Variants in OTOA observed in about 807,000 individuals in gnomAD.
OTOA encodes the protein cancer/testis antigen 108.
Under a neutral mutation model 110.8 loss-of-function variants are expected in OTOA, and 70 were observed. That is an observed-to-expected ratio of 0.63 (90% CI 0.52 to 0.77). The LOEUF (loss-of-function observed/expected upper bound fraction) is 0.77. OTOA is among the 30% of genes least tolerant of loss of function. The probability of loss-of-function intolerance (pLI) is 0.00; values close to 1 mark genes in which losing one functional copy is unlikely to be tolerated. For synonymous variants in OTOA, 373 were observed against 431.5 expected, an observed-to-expected ratio of 0.86 and a Z score of 1.68; for missense variants, 917 against 1,075.8, an observed-to-expected ratio of 0.85 and a Z score of 2.06.
chr16:21,752,952 A>ATGCAG lies in OTOA; in HGVS notation c.3056-74_3056-70dup, dbSNP rs1440136756. The ATGCAG allele has an allele frequency of 3.3e-6, 4 of 1,214,654 alleles. No individual in the cohort carries two copies. The African/African-American group carries it at 6.4e-5, about 19-fold the overall frequency. 75.2% of individuals were successfully genotyped at this position (1,214,654 alleles called of 1,614,324 possible). On this transcript the variant is annotated intron_variant, in intron 26 of 28. Coordinates refer to ENST00000646100, the MANE Select transcript of OTOA (RefSeq NM_144672.4). ...CCTAGAACACTCAGATCTGAACATTATGCAGCACCATTAATAAAACAAGCG... is the reference window on the plus strand; with the variant it reads ...CCTAGAACACTCAGATCTGAACATTATGCAGTGCAGCACCATTAATAAAACAAGCG...
intron 9 of OTOA, among the ~76,000 whole-genome samples, chr16:21,693,428 C>T (rs1435501098): frequency 1.3e-5 from 2 of 152,036 alleles, no homozygotes; most frequent in East Asian, 3.8e-4. Context: ...GTATCAATAG[C>T]TGAAGATAGA....
chr16:21,719,246 C>T, intron 16 of OTOA, 55 bp downstream of exon 16: 2 of 1,602,990 alleles, frequency 1.2e-6, no homozygotes, highest in East Asian at 2.2e-5. Flanking sequence ...AGCCTTCTGC[C>T]AGAGCAGCCT....
chr16:21,713,231 A>T (rs1898414191), intron 13 of OTOA, among the ~76,000 whole-genome samples: 1 of 152,002 alleles, frequency 6.6e-6, no homozygotes, highest in South Asian at 2.1e-4. Flanking sequence ...TCCCAAAGAG[A>T]AGGAGTAGGG....
intron 1 of OTOA, among the ~76,000 whole-genome samples, chr16:21,669,923 C>T (rs982021610): frequency 6.6e-6 from 1 of 151,840 alleles, no homozygotes; most frequent in African/African-American, 2.4e-5. Context: ...CTTAGGAGTT[C>T]GAGACCAGCC....
intron 11 of OTOA, among the ~76,000 whole-genome samples, chr16:21,702,124 A>AT (rs1361897315): frequency 6.6e-6 from 1 of 151,292 alleles, no homozygotes; most frequent in African/African-American, 2.4e-5. Flanking sequence ...TAATTTTTGT[A>AT]TTTTTAGTGG....
chr16:21,726,360 G>A (rs1329596354), intron 18 of OTOA, among the ~76,000 whole-genome samples, 163 bp from the exon 19 acceptor site: 1 of 152,168 alleles, frequency 6.6e-6, no homozygotes, highest in African/African-American at 2.4e-5. Flanking sequence ...AGCATGATGG[G>A]TGGGAAGCTT....
chr16:21,735,693 T>G (rs418139), intron 21 of OTOA, among the ~76,000 whole-genome samples: 21 of 152,246 alleles, frequency 1.4e-4, no homozygotes, highest in Middle Eastern at 3.4e-3. Context: ...TCCTGGGCTC[T>G]GGTGATCCTT....
chr16:21,714,336 T>C (rs2020970), intron 13 of OTOA, among the ~76,000 whole-genome samples: 5,237 of 55,780 alleles, frequency 0.094, 124 homozygotes, highest in African/African-American at 0.13. Context: ...TTCCTTCCTT[T>C]CTTTCTTTCT....
chr16:21,726,537 C>A lies in OTOA; in HGVS notation c.1895C>A (p.Ala632Asp). 6.2e-7 allele frequency: 1 copy of A among 1,613,902 alleles called. No homozygotes were observed. The highest frequency in any genetic ancestry group is 2.2e-5 in the East Asian group (1 of 44,886). Residue 632 changes from alanine to aspartate, a missense_variant, in exon 19 of 29, where the codon GCT (alanine) becomes GAT (aspartate). Physicochemically the swap from Ala to Asp is moderately radical, Grantham distance 126. Coordinates refer to ENST00000646100, the MANE Select transcript of OTOA (RefSeq NM_144672.4). ...TCTCTCTCCAGGGCCCGCTACCTGG[C>A]TTCTGTCCCAGCCTCCCAGTGTGTG... ...LLAALPARYL[A>D]SVPASQCVPF...
At chr16:21,683,086 T>A (rs1966925822) in intron 6 of OTOA, among the ~76,000 whole-genome samples, 2 of 152,224 alleles carry the variant, frequency 1.3e-5, no homozygotes, top group African/African-American at 4.8e-5. Context: ...TAATATCTAC[T>A]GAGTTAACAT....
chr16:21,684,367 T>C (rs980241309), intron 6 of OTOA: 2 of 1,410,460 alleles, frequency 1.4e-6, no homozygotes, highest in African/African-American at 1.4e-5. Context: ...GGAAATCTCT[T>C]TCAGGAGAGG....
intron 14 of OTOA, among the ~76,000 whole-genome samples, chr16:21,715,946 A>G (rs1275732803): frequency 6.6e-6 from 1 of 152,028 alleles, no homozygotes; most frequent in Non-Finnish European, 1.5e-5. Context: ...GTCTTGCTCT[A>G]TTACCCCAGC....
chr16:21,722,839 A>T, intron 17 of OTOA, 66 bp from the exon 18 acceptor site: 1 of 1,424,464 alleles, frequency 7.0e-7, no homozygotes, highest in South Asian at 1.1e-5. Flanking sequence ...TACCTGGCAC[A>T]TGGAAAGCAC....
At chr16:21,681,982 A>C (rs1260057344) in intron 6 of OTOA, among the ~76,000 whole-genome samples, 157 bp downstream of exon 6, 2 of 152,190 alleles carry the variant, frequency 1.3e-5, no homozygotes, top group East Asian at 3.9e-4. Context: ...ACATGATATA[A>C]GCTATTTTGT....
chr16:21,685,626 A>T (rs970880092), intron 7 of OTOA, among the ~76,000 whole-genome samples: 2 of 152,114 alleles, frequency 1.3e-5, no homozygotes, highest in Non-Finnish European at 2.9e-5. Flanking sequence ...GCAGTGGCAC[A>T]ATCTCAGCTC....
At chr16:21,672,000 C>T (rs529134403) in intron 1 of OTOA, among the ~76,000 whole-genome samples, 1 of 152,180 alleles carries the variant, frequency 6.6e-6, no homozygotes, top group Non-Finnish European at 1.5e-5. Context: ...CCAAGAAGTT[C>T]CCTTGTGCCC....
At chr16:21,701,167 C>T (rs1898045830) in intron 11 of OTOA, 140 bp downstream of exon 11, 3 of 1,311,902 alleles carry the variant, frequency 2.3e-6, no homozygotes, top group Non-Finnish European at 3.2e-6. Flanking sequence ...TTTCTCTGTG[C>T]ATGTGAGGAG....
At chr16:21,759,059 G>A (rs462249) in intron 28 of OTOA, among the ~76,000 whole-genome samples, 17 of 151,894 alleles carry the variant, frequency 1.1e-4, no homozygotes, top group East Asian at 5.8e-4. Context: ...GCATATATTT[G>A]AAAGTTATTT....
chr16:21,695,891 A>ATATATATT lies in OTOA; in HGVS notation c.740-1883_740-1882insATATATTT, dbSNP rs569493650. Among the ~76,000 whole-genome samples, 64 of 41,886 alleles carry ATATATATT rather than the reference A, an allele frequency of 1.5e-3. 1 individual carries two copies. The highest frequency in any genetic ancestry group is 5.4e-3 in the East Asian group (9 of 1,680). The allele number at this position is 41,886 out of a possible 152,430, so 27.5% of individuals were successfully genotyped here. ...GATATATATATATATATATATATAT[A>ATATATATT]TTTTTTTTTTTTTTTTTTTCTGAGA... is the stretch of plus-strand genomic sequence containing the variant. On this transcript the variant is annotated intron_variant, in intron 9 of 28. Coordinates refer to ENST00000646100, the MANE Select transcript of OTOA (RefSeq NM_144672.4).
Sources: allele counts gnomAD v4.1 joint callset (sites outside exome capture counted in the v4.1 genomes callset), GRCh38; gene constraint gnomAD v4.1.1; transcripts MANE v1.5; gene names NCBI Gene and HGNC (gene_info 2026-07-23, HGNC 2026-07-21).